Variants in TMEM243 observed in about 807,000 individuals in gnomAD.
TMEM243 encodes the protein transmembrane protein 243.
In TMEM243, 20 loss-of-function variants were observed where a neutral mutation model predicts 15.0. The ratio of observed to expected loss-of-function variants is 1.33; its 90% CI spans 0.94 to 1.93. TMEM243 has a LOEUF of 1.93. Among genes scored for constraint, TMEM243 ranks in the 30% most tolerant of loss-of-function variants. TMEM243 has a pLI of 0.00. For missense variants in TMEM243, 156 were observed against 142.1 expected (o/e 1.10, Z -0.50); for synonymous variants, 72 against 52.7 (o/e 1.37, Z -1.59).
chr7:87,201,966 C>G (rs777079816), intron 1 of TMEM243, among the ~76,000 whole-genome samples: 32 of 152,038 alleles, frequency 2.1e-4, no homozygotes, highest in Non-Finnish European at 3.7e-4. Flanking sequence ...GATTTCCTTC[C>G]CAGAGACAAA....
intron 1 of TMEM243, among the ~76,000 whole-genome samples, chr7:87,218,908 C>G (rs1005171385): frequency 1.3e-5 from 2 of 152,052 alleles, no homozygotes; most frequent in Non-Finnish European, 2.9e-5. Flanking sequence ...GTTCAGGGAC[C>G]CCTTGATCAC....
chr7:87,215,891 A>G (rs973431158), intron 1 of TMEM243, among the ~76,000 whole-genome samples: 1 of 152,130 alleles, frequency 6.6e-6, no homozygotes, highest in Non-Finnish European at 1.5e-5. Flanking sequence ...ATAATCTCAG[A>G]ACTTTGAGAG....
rs1275994753 is a variant in TMEM243, at chr7:87,219,608, AGCCGAACC to A, written c.-113_-106del. On this transcript the variant is annotated 5_prime_UTR_variant, in exon 1 of 4. Coordinates refer to ENST00000257637, the MANE Select transcript of TMEM243 (RefSeq NM_024315.4). Reference sequence around the variant, plus strand: ...AGCCTCCTCCTCACGGCTCCCGCATAGCCGAACCCGAGTGGTCGGGGAAGCGCTGGCGC... The same window carrying A: ...AGCCTCCTCCTCACGGCTCCCGCATACGAGTGGTCGGGGAAGCGCTGGCGC... 9.6e-7 allele frequency: 1 copy of A among 1,040,816 alleles called. No individual in the cohort carries two copies. The highest frequency in any genetic ancestry group is 1.6e-5 in the African/African-American group (1 of 62,566). The allele number at this position is 1,040,816 out of a possible 1,614,324, so 64.5% of individuals were successfully genotyped here.
chr7:87,196,800 T>C (rs369528589), intron 3 of TMEM243, 42 bp from the exon 4 acceptor site: 45 of 1,371,414 alleles, frequency 3.3e-5, no homozygotes, highest in African/African-American at 9.0e-5. Flanking sequence ...ATTTGAAATA[T>C]AACATTTTCT....
At position 87,219,597 on chromosome 7, in the gene TMEM243, G is replaced by A; in HGVS notation, c.-94C>T. 1 of 1,156,474 alleles carries A rather than the reference G, an allele frequency of 8.6e-7. No individual in the cohort carries two copies. Among genetic ancestry groups the A allele is most frequent in the Non-Finnish European group, 1.3e-6 (1 of 784,040 alleles). 71.6% of individuals were successfully genotyped at this position (1,156,474 alleles called of 1,614,324 possible). On this transcript the variant is annotated 5_prime_UTR_variant, in exon 1 of 4. Transcript: ENST00000257637. ...CCACGACTGCAAGCCTCCTCCTCAC[G>A]GCTCCCGCATAGCCGAACCCGAGTG...
At chr7:87,197,722 A>C in intron 3 of TMEM243, 1 of 824,600 alleles carries the variant, frequency 1.2e-6, no homozygotes, top group Non-Finnish European at 1.5e-6. Flanking sequence ...TTTTTAAGCT[A>C]TCAAGGGAGT....
At chr7:87,202,839 T>G (rs1584524076) in intron 1 of TMEM243, 2 of 152,308 alleles carry the variant, frequency 1.3e-5, no homozygotes, top group South Asian at 4.1e-4. Flanking sequence ...ATGAGAAGAC[T>G]GGGCTAAATG....
At chr7:87,220,579 G>T (rs1803465146), upstream of TMEM243, 1 of 152,280 alleles carries the variant, frequency 6.6e-6, no homozygotes, top group African/African-American at 2.4e-5. Context: ...GTCGCAAGTC[G>T]GCCCGCCCAG....
chr7:87,209,714 G>A (rs1478439272), intron 1 of TMEM243, among the ~76,000 whole-genome samples: 1 of 145,016 alleles, frequency 6.9e-6, no homozygotes, highest in Non-Finnish European at 1.5e-5. Flanking sequence ...GTGAGAGCGA[G>A]ACACAGTGAG....
intron 1 of TMEM243, among the ~76,000 whole-genome samples, chr7:87,206,977 G>C (rs1802269891): frequency 6.6e-6 from 1 of 152,330 alleles, no homozygotes; most frequent in Non-Finnish European, 1.5e-5. Flanking sequence ...TGCAGGGCAG[G>C]CATGCAATGG....
chr7:87,219,657 G>T lies in TMEM243; in HGVS notation c.-154C>A, dbSNP rs1803362836. 8 of 655,326 alleles carry T rather than the reference G, an allele frequency of 1.2e-5. No homozygotes were observed. In the East Asian group the frequency reaches 1.9e-4, roughly 16 times the overall value. The allele number at this position is 655,326 out of a possible 1,614,324, so 40.6% of individuals were successfully genotyped here. ...GCGCTGGCGCCAGGGATGGGTGGGGGCTCACACGCGGGGAACGCGACTGCT... is the reference window on the plus strand; with the variant it reads ...GCGCTGGCGCCAGGGATGGGTGGGGTCTCACACGCGGGGAACGCGACTGCT... On this transcript the variant is annotated 5_prime_UTR_variant, in exon 1 of 4. Transcript: ENST00000257637.
chr7:87,204,286 G>A lies in TMEM243; in HGVS notation c.79-5229C>T, dbSNP rs186027670. On this transcript the variant is annotated intron_variant, in intron 1 of 3. Transcript: ENST00000257637. Reference sequence around the variant, plus strand: ...CTACAATTCAGGAGGAGATTTGGGTGGAGACACGGCCAAACCACACAATTT... The same window carrying A: ...CTACAATTCAGGAGGAGATTTGGGTAGAGACACGGCCAAACCACACAATTT... Among the ~76,000 whole-genome samples the A allele has an allele frequency of 2.7e-3, 413 of 152,240 alleles. 2 individuals carry two copies. The highest frequency in any genetic ancestry group is 4.8e-3 in the Non-Finnish European group (325 of 68,028).
chr7:87,218,923 T>C (rs752893407), intron 1 of TMEM243, among the ~76,000 whole-genome samples: 2 of 152,196 alleles, frequency 1.3e-5, no homozygotes, highest in Non-Finnish European at 2.9e-5. Context: ...GATCACTTCC[T>C]GGAATGGAGG....
chr7:87,210,307 G>A (rs1019174136), intron 1 of TMEM243, among the ~76,000 whole-genome samples: 3 of 152,010 alleles, frequency 2.0e-5, no homozygotes, highest in African/African-American at 4.8e-5. Flanking sequence ...TGGGCCCTCC[G>A]AAACCTCATG....
chr7:87,217,219 C>T (rs924553780), intron 1 of TMEM243, among the ~76,000 whole-genome samples: 1 of 152,208 alleles, frequency 6.6e-6, no homozygotes, highest in African/African-American at 2.4e-5. Context: ...TATTCTTTCT[C>T]GATGTTCTCA....
intron 1 of TMEM243, among the ~76,000 whole-genome samples, chr7:87,213,129 T>G (rs1169790498): frequency 6.6e-6 from 1 of 152,176 alleles, no homozygotes; most frequent in African/African-American, 2.4e-5. Context: ...GGAGAGGTAT[T>G]AGCCTGGACT....
intron 1 of TMEM243, chr7:87,199,326 G>A: frequency 2.7e-6 from 1 of 374,520 alleles, no homozygotes; most frequent in Admixed American, 4.2e-5. Flanking sequence ...AATGGGTAAG[G>A]GAGGCTTACA....
At chr7:87,200,668 C>T (rs1801731903) in intron 1 of TMEM243, among the ~76,000 whole-genome samples, 1 of 152,112 alleles carries the variant, frequency 6.6e-6, no homozygotes, top group Non-Finnish European at 1.5e-5. Flanking sequence ...TTCACCAATC[C>T]TCTCTTTAAA....
At chr7:87,203,777 T>C (rs1355944721) in intron 1 of TMEM243, among the ~76,000 whole-genome samples, 1 of 152,120 alleles carries the variant, frequency 6.6e-6, no homozygotes, top group Non-Finnish European at 1.5e-5. Context: ...TAAAAAGAAT[T>C]TGTCCCATGG....
Sources: allele counts gnomAD v4.1 joint callset (sites outside exome capture counted in the v4.1 genomes callset), GRCh38; gene constraint gnomAD v4.1.1; transcripts MANE v1.5; gene names NCBI Gene and HGNC (gene_info 2026-07-23, HGNC 2026-07-21).